The following FREM2 variants were observed in gnomAD, a reference collection of about 807,000 sequenced individuals.
FREM2 encodes the protein FRAS1 related extracellular matrix 2.
Under a neutral mutation model 219.9 loss-of-function variants are expected in FREM2, and 119 were observed. That is an observed-to-expected ratio of 0.54 (90% CI 0.47 to 0.63). The LOEUF (loss-of-function observed/expected upper bound fraction) is 0.63. Among genes scored for constraint, FREM2 ranks in the 30% least tolerant of loss-of-function variants. The pLI is 0.00. For missense variants in FREM2, 4,030 were observed against 3,993.6 expected (o/e 1.01, Z -0.25); for synonymous variants, 1,562 against 1,522.8 (o/e 1.03, Z -0.60).
intron 6 of FREM2, among the ~76,000 whole-genome samples, chr13:38,799,215 T>C (rs1429739569): frequency 1.3e-5 from 2 of 152,048 alleles, no homozygotes; most frequent in Non-Finnish European, 2.9e-5. Flanking sequence ...CTAAATTTTT[T>C]CCTTGCAATA....
chr13:38,689,226 C>T lies in FREM2; in HGVS notation c.1882C>T (p.Leu628Phe). The T allele has an allele frequency of 1.2e-6, 2 of 1,614,120 alleles. No homozygotes were observed. Among genetic ancestry groups the T allele is most frequent in the Non-Finnish European group, 1.7e-6 (2 of 1,180,022 alleles). The change falls in exon 1 of 24, where the codon CTT becomes TTT. Residue 628 changes from leucine to phenylalanine, a missense_variant. Physicochemically the swap from Leu to Phe is conservative, Grantham distance 22. This residue lies in a region of FREM2 where 3,102 missense variants were observed against 2,950.7 expected (regional missense o/e 1.05). Transcript: ENST00000280481. ...PHEKQELLRGLWRKEGAFYER... is the reference protein window; with the variant it reads ...PHEKQELLRGFWRKEGAFYER... ...TGAGAAGCAGGAACTTCTCAGAGGC[C>T]TTTGGAGGAAGGAGGGGGCATTTTA...
At chr13:38,756,555 T>C (rs986990310) in intron 2 of FREM2, among the ~76,000 whole-genome samples, 1 of 128,282 alleles carries the variant, frequency 7.8e-6, no homozygotes, top group Non-Finnish European at 1.6e-5. Flanking sequence ...TGAGACGGAG[T>C]GTCACTCTGT....
intron 6 of FREM2, among the ~76,000 whole-genome samples, chr13:38,812,252 C>T (rs1436717823): frequency 6.6e-6 from 1 of 152,062 alleles, no homozygotes; most frequent in Admixed American, 6.6e-5. Flanking sequence ...TCCATTCAGC[C>T]AGTCTATGTC....
intron 15 of FREM2, among the ~76,000 whole-genome samples, chr13:38,862,413 T>C (rs1274634387): frequency 6.6e-6 from 1 of 152,192 alleles, no homozygotes; most frequent in Non-Finnish European, 1.5e-5. Context: ...GAGGTGTGAC[T>C]TGAGCTGCAA....
chr13:38,810,284 T>G (rs1215883749), intron 6 of FREM2, among the ~76,000 whole-genome samples: 2 of 152,106 alleles, frequency 1.3e-5, no homozygotes, highest in East Asian at 3.8e-4. Context: ...TTTGATTTCT[T>G]TCTTTTCAAT....
rs558521733 is a variant in FREM2 at position 38,836,798 on chromosome 13, TATCA to T, written c.6020-9774_6020-9771del. ...GTGGGATCAGTGGTGATCTCCCCTT[TATCA>T]TTCTTTATTGTGTCTATTTGATTCT... On this transcript the variant is annotated intron_variant, in intron 6 of 23. Transcript: ENST00000280481. Among the ~76,000 whole-genome samples the T allele has an allele frequency of 1.1e-3, 171 of 152,324 alleles. 1 individual carries two copies. The highest frequency in any genetic ancestry group is 3.9e-3 in the African/African-American group (162 of 41,582).
chr13:38,764,135 C>T (rs574018014), intron 2 of FREM2, among the ~76,000 whole-genome samples, 169 bp from the exon 3 acceptor site: 1 of 152,336 alleles, frequency 6.6e-6, no homozygotes, highest in East Asian at 1.9e-4. Context: ...GTATGTGTAA[C>T]AGTCTCTAGA....
chr13:38,762,473 C>G (rs935846295), intron 2 of FREM2, among the ~76,000 whole-genome samples: 1 of 151,460 alleles, frequency 6.6e-6, no homozygotes, highest in South Asian at 2.1e-4. Flanking sequence ...GAGTTTCACT[C>G]TTGTTGCCCA....
In FREM2 at chr13:38,762,431, T is replaced by G. The variant is rs144194884; in HGVS notation, c.5264-1873T>G. Reference sequence around the variant, plus strand: ...TTAAACGGACAAACTGACACAAAATTCCTGCTCTCCAATCTTTTTTTTTTT... The same window carrying G: ...TTAAACGGACAAACTGACACAAAATGCCTGCTCTCCAATCTTTTTTTTTTT... On this transcript the variant is annotated intron_variant, in intron 2 of 23. Coordinates refer to ENST00000280481, the MANE Select transcript of FREM2 (RefSeq NM_207361.6). Among the ~76,000 whole-genome samples the G allele has an allele frequency of 4.6e-3, 621 of 134,738 alleles. 7 individuals carry two copies. Among genetic ancestry groups the G allele is most frequent in the African/African-American group, 0.015 (579 of 39,662 alleles). The allele number at this position is 134,738 out of a possible 152,430, so 88.4% of individuals were successfully genotyped here.
chr13:38,878,971 C>CT lies in FREM2; in HGVS notation c.9003dup (p.Gln3002SerfsTer67), dbSNP rs1878449852. 6.2e-7 allele frequency: 1 copy of CT among 1,614,168 alleles called. No homozygotes were observed. The highest frequency in any genetic ancestry group is 8.5e-7 in the Non-Finnish European group (1 of 1,180,008). On this transcript the variant is annotated frameshift_variant, in exon 23 of 24. Transcript: ENST00000280481. LOFTEE classifies it low-confidence loss of function (END_TRUNC). ...GATTTAAAGTCGACTCAACACCACT[C>CT]TTTCAGGTAGGCCAAAAACAAGCTC...
In FREM2 at chr13:38,689,813, T is replaced by C; in HGVS notation, c.2469T>C (p.His823=). The C allele has an allele frequency of 6.2e-7, 1 of 1,613,982 alleles. No homozygotes were observed. Among genetic ancestry groups the C allele is most frequent in the Non-Finnish European group, 8.5e-7 (1 of 1,179,974 alleles). The change falls in exon 1 of 24, where the codon CAT becomes CAC. Residue 823 remains histidine (H), a synonymous_variant. Transcript: ENST00000280481. ...CAGGTACCTTTACCCTTTACTTGCA[T>C]CCCGTGGACAACCAGCCACCTGAGA... ...VAPGTFTLYL[H]PVDNQPPEIL... is the part of the protein sequence containing the mutation.
chr13:38,875,216 A>G (rs1390741250), intron 18 of FREM2, among the ~76,000 whole-genome samples: 1 of 151,630 alleles, frequency 6.6e-6, no homozygotes, highest in Non-Finnish European at 1.5e-5. Flanking sequence ...GACTCTCCAT[A>G]TTACCAGTTT....
At chr13:38,842,598 T>C (rs1259083152) in intron 6 of FREM2, among the ~76,000 whole-genome samples, 1 of 152,248 alleles carries the variant, frequency 6.6e-6, no homozygotes, top group African/African-American at 2.4e-5. Flanking sequence ...TTCATTCAGT[T>C]CTAAGCAAAC....
chr13:38,864,142 G>A, intron 15 of FREM2, 133 bp from the exon 16 acceptor site: 1 of 727,246 alleles, frequency 1.4e-6, no homozygotes, highest in Non-Finnish European at 2.4e-6. Flanking sequence ...ACACCACTTT[G>A]ATCTGTATGC....
intron 5 of FREM2, 121 bp from the exon 6 acceptor site, chr13:38,784,436 T>C: frequency 9.5e-7 from 1 of 1,055,096 alleles, no homozygotes; most frequent in Non-Finnish European, 1.4e-6. Context: ...CTATTGCAGT[T>C]CTAGGGGTGT....
chr13:38,702,284 T>C (rs992765117), intron 2 of FREM2, among the ~76,000 whole-genome samples: 10 of 152,228 alleles, frequency 6.6e-5, no homozygotes, highest in Admixed American at 3.3e-4. Context: ...ATATTATTCT[T>C]AAACAAGCCT....
At chr13:38,804,060 G>A (rs1048252124) in intron 6 of FREM2, among the ~76,000 whole-genome samples, 1 of 151,954 alleles carries the variant, frequency 6.6e-6, no homozygotes, top group Admixed American at 6.6e-5. Flanking sequence ...ATAAGAAATG[G>A]CCAGATTCCT....
At chr13:38,709,438 T>G (rs1870673836) in intron 2 of FREM2, among the ~76,000 whole-genome samples, 2 of 152,128 alleles carry the variant, frequency 1.3e-5, no homozygotes, top group South Asian at 4.1e-4. Flanking sequence ...CATATAACTG[T>G]GTAAATATAT....
intron 2 of FREM2, among the ~76,000 whole-genome samples, chr13:38,744,544 C>T (rs2442354): frequency 0.73 from 111,544 of 151,832 alleles, 41,067 homozygotes; most frequent in African/African-American, 0.76. Flanking sequence ...CAGGCTGGAG[C>T]GCAGTGGCGT....
Sources: allele counts gnomAD v4.1 joint callset (sites outside exome capture counted in the v4.1 genomes callset), GRCh38; gene constraint gnomAD v4.1.1; regional missense constraint gnomAD v4.1.1; transcripts MANE v1.5; gene names NCBI Gene and HGNC (gene_info 2026-07-23, HGNC 2026-07-21).